PSPC1: variants seen among roughly 807,000 people sequenced by gnomAD.
PSPC1 encodes paraspeckle protein 1.
A neutral mutation model predicts 51.6 loss-of-function variants in PSPC1; 14 were observed. That is an observed-to-expected ratio of 0.27 (90% CI 0.18 to 0.42). The LOEUF (loss-of-function observed/expected upper bound fraction) is 0.42, where lower values mean the gene tolerates loss of function less well. PSPC1 is among the 10% of genes least tolerant of loss of function. The probability of loss-of-function intolerance (pLI) is 1.00; values close to 1 mark genes in which losing one functional copy is unlikely to be tolerated. For missense variants in PSPC1, 406 were observed against 701.1 expected (o/e 0.58, Z 4.75); for synonymous variants, 193 against 231.9 (o/e 0.83, Z 1.53).
At chr13:19,684,971 A>G (rs9315081) in intron 6 of PSPC1, among the ~76,000 whole-genome samples, 139,520 of 152,306 alleles carry the variant, frequency 0.92, 65,128 homozygotes, top group Non-Finnish European at 1. Flanking sequence ...AAAACAGAAG[A>G]CAAGTTTAAA....
chr13:19,676,885 A>AC (rs963316746), intron 7 of PSPC1, among the ~76,000 whole-genome samples: 2 of 152,098 alleles, frequency 1.3e-5, no homozygotes, highest in African/African-American at 4.8e-5. Flanking sequence ...AAAAATTGTG[A>AC]CCCCTCTCCG....
intron 6 of PSPC1, among the ~76,000 whole-genome samples, chr13:19,714,598 A>G (rs1881863175): frequency 1.1e-5 from 1 of 91,818 alleles, no homozygotes; most frequent in Non-Finnish European, 2.9e-5. Flanking sequence ...AGATTCAAGC[A>G]ATCCTCCTGC....
At chr13:19,763,876 G>T (rs368245434) in intron 2 of PSPC1, among the ~76,000 whole-genome samples, 2 of 152,154 alleles carry the variant, frequency 1.3e-5, no homozygotes, top group East Asian at 3.9e-4. Flanking sequence ...GCCGGGCAGC[G>T]GCTGTGGTCC....
At chr13:19,719,546 A>C (rs1882520361) in intron 6 of PSPC1, among the ~76,000 whole-genome samples, 1 of 152,214 alleles carries the variant, frequency 6.6e-6, no homozygotes, top group Non-Finnish European at 1.5e-5. Context: ...TAAATCAGAA[A>C]TGGAGGCAAC....
At chr13:19,744,810 G>A (rs1397542531) in intron 4 of PSPC1, among the ~76,000 whole-genome samples, 1 of 152,054 alleles carries the variant, frequency 6.6e-6, no homozygotes, top group Admixed American at 6.6e-5. Context: ...TGATCCACCC[G>A]CCTTGGCCTT....
At chr13:19,735,915 G>A (rs927209408) in intron 5 of PSPC1, among the ~76,000 whole-genome samples, 7 of 151,996 alleles carry the variant, frequency 4.6e-5, no homozygotes, top group Non-Finnish European at 8.8e-5. Context: ...TACGCCTCCT[G>A]GGTTCAAGCC....
chr13:19,677,087 G>T (rs1225118843), intron 7 of PSPC1, among the ~76,000 whole-genome samples: 2 of 152,146 alleles, frequency 1.3e-5, no homozygotes, highest in East Asian at 1.9e-4. Context: ...ACAAAAATTA[G>T]CCGGGCATGG....
chr13:19,676,799 T>C (rs1876686283), intron 7 of PSPC1, among the ~76,000 whole-genome samples: 1 of 152,196 alleles, frequency 6.6e-6, no homozygotes. Flanking sequence ...GATGACAATG[T>C]ACCCATGGGA....
intron 4 of PSPC1, among the ~76,000 whole-genome samples, chr13:19,744,545 C>T (rs1011978776): frequency 2.0e-5 from 3 of 151,990 alleles, no homozygotes; most frequent in African/African-American, 7.2e-5. Flanking sequence ...AAGTACATAA[C>T]TAGAGATGTC....
rs1450827342 is a variant in PSPC1 at position 19,721,384 on chromosome 13, T to C, written c.1158+8855A>G. On this transcript the variant is annotated intron_variant, in intron 6 of 8. Transcript: ENST00000338910. ...CGGTCTTGACTCTCCTCTTCTCCGA[T>C]TGCTCAAAAAAGAGTTAACATTAGC... Among the ~76,000 whole-genome samples, 3 of 152,182 alleles carry C rather than the reference T, an allele frequency of 2.0e-5. No homozygotes were observed. In the South Asian group the frequency reaches 6.2e-4, roughly 32 times the overall value.
intron 2 of PSPC1, among the ~76,000 whole-genome samples, chr13:19,764,682 T>TA (rs68143550): frequency 1.1e-3 from 87 of 78,278 alleles, no homozygotes; most frequent in African/African-American, 3.7e-3. Flanking sequence ...GAACTTGCCT[T>TA]AAAAAAAAAA....
chr13:19,743,215 A>G (rs1453642505), intron 4 of PSPC1, among the ~76,000 whole-genome samples: 1 of 152,140 alleles, frequency 6.6e-6, no homozygotes, highest in Non-Finnish European at 1.5e-5. Flanking sequence ...ATGTTAAAAT[A>G]CTCTGGATGG....
At chr13:19,750,045 C>T (rs1007990673) in intron 4 of PSPC1, among the ~76,000 whole-genome samples, 2 of 151,984 alleles carry the variant, frequency 1.3e-5, no homozygotes, top group African/African-American at 4.8e-5. Context: ...ACACACATAA[C>T]AAAAAAACCT....
chr13:19,745,056 G>A (rs918968789), intron 4 of PSPC1, among the ~76,000 whole-genome samples: 14 of 152,070 alleles, frequency 9.2e-5, no homozygotes, highest in African/African-American at 1.7e-4. Context: ...CTCGGCCTCC[G>A]AAAGTAATCC....
intron 7 of PSPC1, chr13:19,675,035 G>GAAAC (rs1876480156): frequency 6.6e-6 from 1 of 152,548 alleles, no homozygotes; most frequent in African/African-American, 2.4e-5. Flanking sequence ...ACAAGATCAG[G>GAAAC]AAACAAGATC....
chr13:19,685,285 C>A (rs181125533), intron 6 of PSPC1, among the ~76,000 whole-genome samples: 1 of 152,342 alleles, frequency 6.6e-6, no homozygotes, highest in Non-Finnish European at 1.5e-5. Flanking sequence ...CCTCAGAATT[C>A]CCGGCAGTCC....
chr13:19,720,990 T>C (rs1882699304), intron 6 of PSPC1, among the ~76,000 whole-genome samples: 1 of 151,392 alleles, frequency 6.6e-6, no homozygotes, highest in East Asian at 1.9e-4. Context: ...CAAACCAGAG[T>C]TCCTACAGCC....
chr13:19,687,741 T>C (rs1878086042), intron 6 of PSPC1, among the ~76,000 whole-genome samples: 1 of 152,002 alleles, frequency 6.6e-6, no homozygotes, highest in Non-Finnish European at 1.5e-5. Context: ...CTATCCCACA[T>C]ATCAAGTGCT....
intron 6 of PSPC1, among the ~76,000 whole-genome samples, chr13:19,683,980 A>G (rs995853214): frequency 2.0e-5 from 3 of 152,050 alleles, no homozygotes; most frequent in African/African-American, 7.3e-5. Flanking sequence ...AGGAAAAATT[A>G]ACTCCATTTC....
Sources: gnomAD v4.1 joint callset for allele counts (sites outside exome capture counted in the v4.1 genomes callset) on GRCh38, gnomAD v4.1.1 for gene constraint, MANE v1.5 for transcripts, NCBI Gene and HGNC (gene_info 2026-07-23, HGNC 2026-07-21) for gene names.